The following DNM1 variants were observed in gnomAD, a reference collection of about 807,000 sequenced individuals.
The protein encoded by DNM1 is dynamin-1.
Under a neutral mutation model 104.6 loss-of-function variants are expected in DNM1, and 29 were observed. The ratio of observed to expected loss-of-function variants is 0.28; its 90% CI spans 0.21 to 0.38. The LOEUF is 0.38. Ranked by LOEUF, DNM1 falls within the 10% of genes least tolerant of loss-of-function variation. The pLI, the probability that DNM1 is intolerant of heterozygous loss-of-function variation, is 1.00. For missense variants in DNM1, 640 were observed against 1,189.4 expected (o/e 0.54, Z 6.79); for synonymous variants, 445 against 475.8 (o/e 0.94, Z 0.84).
At chr9:128,237,758 GAA>G (rs1350563038) in intron 11 of DNM1, among the ~76,000 whole-genome samples, 1 of 152,072 alleles carries the variant, frequency 6.6e-6, no homozygotes, top group African/African-American at 2.4e-5. Context: ...TTCTGGAAGT[GAA>G]TATGTGCATT....
At chr9:128,227,931 A>G (rs79342218) in intron 10 of DNM1, among the ~76,000 whole-genome samples, 7,983 of 152,062 alleles carry the variant, frequency 0.052, 725 homozygotes, top group African/African-American at 0.18. Flanking sequence ...AGCTCACTGT[A>G]GGCTCAAACT....
At position 128,226,231 on chromosome 9, in the gene DNM1, C is replaced by T. The variant is rs1049193563; in HGVS notation, c.1335+1842C>T. On this transcript the variant is annotated intron_variant, in intron 10 of 21. Transcript: ENST00000372923. ...GCCGTCCATTCCTTGTGGCCACAGC[C>T]TCCCGTGGGCAGAAGGATCTGCTGA... 2.8e-5 allele frequency: 45 copies of T among 1,601,458 alleles called. 2 individuals are homozygous for T. In the South Asian group the frequency reaches 5.0e-4, roughly 18 times the overall value.
chr9:128,252,280 C>T (rs1450204609), intron 21 of DNM1: 6 of 316,372 alleles, frequency 1.9e-5, no homozygotes, highest in African/African-American at 6.6e-5. Context: ...GTCTATGGTG[C>T]GGTGTGAGAT....
Position 128,254,517 on chromosome 9 carries a change from C to T in DNM1, c.2535-137C>T. 6.5e-7 allele frequency: 1 copy of T among 1,544,202 alleles called. No individual in the cohort carries two copies. Among genetic ancestry groups the T allele is most frequent in the Non-Finnish European group, 8.7e-7 (1 of 1,153,596 alleles). ...TTTTCCAGGAACCTTGCCACACCCA[C>T]ACCTGCAGCCTCCCCTCCCCGGCCC... On this transcript the variant is annotated intron_variant, in intron 21 of 21. Transcript: ENST00000372923. This position sits in a 1 kb window ranked among gnomAD's most constrained non-coding sequence, Gnocchi z 6.1.
At chr9:128,233,982 T>A in intron 10 of DNM1, 39 bp from the exon 11 acceptor site, 2 of 1,542,606 alleles carry the variant, frequency 1.3e-6, no homozygotes, top group Non-Finnish European at 1.8e-6. Context: ...GCCCGTGCCC[T>A]CTGTGTACGT....
chr9:128,242,815 C>T (rs1414792611), intron 15 of DNM1, among the ~76,000 whole-genome samples: 2 of 151,392 alleles, frequency 1.3e-5, no homozygotes, highest in Non-Finnish European at 2.9e-5. Context: ...GCAGGTGACC[C>T]TGGGGGTTCA....
chr9:128,238,516 G>A (rs1002001991), intron 11 of DNM1, among the ~76,000 whole-genome samples: 18 of 151,764 alleles, frequency 1.2e-4, no homozygotes, highest in Admixed American at 4.6e-4. Flanking sequence ...GAGCCACTGC[G>A]CCTGGCTAAA....
rs779129194 is a variant in DNM1 at position 128,247,435 on chromosome 9, C to G, written c.1842C>G (p.Asp614Glu). Residue 614 changes from aspartate (D) to glutamate (E), a missense_variant, in exon 17 of 22, where the codon GAC becomes GAG. Asp to Glu is a conservative substitution (Grantham distance 45). Coordinates refer to ENST00000372923, the MANE Select transcript of DNM1 (RefSeq NM_004408.4). The surrounding 1 kb of genome is among the most constrained non-coding windows in gnomAD (Gnocchi z 5.1). ...ELACETQEEV[D>E]SWKASFLRAG... ...CCTGTGAGACACAGGAGGAGGTGGA[C>G]AGCTGGAAGGCCTCCTTCCTGAGGG... The G allele has an allele frequency of 6.2e-7, 1 of 1,613,650 alleles. No homozygotes were observed. Among genetic ancestry groups the G allele is most frequent in the Admixed American group, 1.7e-5 (1 of 60,004 alleles).
chr9:128,216,375 G>A (rs1355590282), intron 1 of DNM1, among the ~76,000 whole-genome samples: 1 of 152,164 alleles, frequency 6.6e-6, no homozygotes, highest in Non-Finnish European at 1.5e-5. Flanking sequence ...AGCCTCAGCT[G>A]CTTCCTCTGT....
chr9:128,254,721 C>G lies in DNM1; in HGVS notation c.*7C>G. 6.3e-7 allele frequency: 1 copy of G among 1,595,592 alleles called. No homozygotes were observed. Among genetic ancestry groups the G allele is most frequent in the Non-Finnish European group, 8.5e-7 (1 of 1,179,134 alleles). On this transcript the variant is annotated 3_prime_UTR_variant, in exon 22 of 22. Transcript: ENST00000372923. This position sits in a 1 kb window ranked among gnomAD's most constrained non-coding sequence, Gnocchi z 6.1. Reference sequence around the variant, plus strand: ...GCCCCCCTTCGACCTCTAAACAGATCCCTCCTCTTCTCGGAGACCTCCCTT... The same window carrying G: ...GCCCCCCTTCGACCTCTAAACAGATGCCTCCTCTTCTCGGAGACCTCCCTT...
intron 10 of DNM1, among the ~76,000 whole-genome samples, chr9:128,231,327 G>A (rs1222531913): frequency 2.1e-5 from 3 of 145,176 alleles, no homozygotes; most frequent in African/African-American, 7.7e-5. Flanking sequence ...CTCAGCCTCC[G>A]AGTAGCTGGG....
chr9:128,247,800 G>C lies in DNM1; in HGVS notation c.1894-124G>C. 1.6e-6 allele frequency: 2 copies of C among 1,280,932 alleles called. No homozygotes were observed. The highest frequency in any genetic ancestry group is 2.2e-6 in the Non-Finnish European group (2 of 912,718). The allele number at this position is 1,280,932 out of a possible 1,614,324, so 79.3% of individuals were successfully genotyped here. ...TTTCACTGTGGCGATGTCTAGAGTA[G>C]CCTGAGAGTTGGGGTGCAGTATCCC... is the stretch of plus-strand genomic sequence containing the variant. On this transcript the variant is annotated intron_variant, in intron 17 of 21. Transcript: ENST00000372923. This position sits in a 1 kb window ranked among gnomAD's most constrained non-coding sequence, Gnocchi z 5.1.
intron 10 of DNM1, chr9:128,226,196 G>T (rs1311545205): frequency 6.2e-7 from 1 of 1,611,750 alleles, no homozygotes; most frequent in Non-Finnish European, 8.5e-7. Context: ...CCTGGGCGGG[G>T]CTGGGCCTGG....
At chr9:128,242,079 A>G in intron 14 of DNM1, 153 bp from the exon 15 acceptor site, 1 of 651,104 alleles carries the variant, frequency 1.5e-6, no homozygotes. Context: ...TTGTGGTTCA[A>G]ACCAAGGCAG....
At chr9:128,229,805 C>G (rs1042243570) in intron 10 of DNM1, among the ~76,000 whole-genome samples, 5 of 151,542 alleles carry the variant, frequency 3.3e-5, no homozygotes, top group Non-Finnish European at 5.9e-5. Context: ...CTCAGCCACT[C>G]GGGAGGCTGA....
chr9:128,225,062 G>A (rs1835259729), intron 10 of DNM1, among the ~76,000 whole-genome samples: 1 of 152,142 alleles, frequency 6.6e-6, no homozygotes, highest in Non-Finnish European at 1.5e-5. Flanking sequence ...AGGGAGGACG[G>A]TGCCCATTTC....
intron 1 of DNM1, among the ~76,000 whole-genome samples, chr9:128,207,250 G>A (rs1004060826): frequency 1.3e-5 from 2 of 152,102 alleles, no homozygotes; most frequent in Non-Finnish European, 2.9e-5. Context: ...TCAGCTGGCA[G>A]TTTGGTGATG....
At chr9:128,244,578 A>C (rs927866824) in intron 15 of DNM1, 5 of 139,528 alleles carry the variant, frequency 3.6e-5, no homozygotes, top group Non-Finnish European at 6.1e-5. Context: ...CATCACCGCT[A>C]CCCCCAACCA....
chr9:128,228,589 C>A (rs1293515399), intron 10 of DNM1, among the ~76,000 whole-genome samples: 1 of 152,180 alleles, frequency 6.6e-6, no homozygotes, highest in East Asian at 1.9e-4. Context: ...ATCTAGTAAT[C>A]AATCTTCTAG....
Sources: allele counts gnomAD v4.1 joint callset (sites outside exome capture counted in the v4.1 genomes callset), GRCh38; gene constraint gnomAD v4.1.1; non-coding constraint Gnocchi (gnomAD v3.1); transcripts MANE v1.5; gene names NCBI Gene and HGNC (gene_info 2026-07-23, HGNC 2026-07-21).